SGCZ: variants seen among roughly 807,000 people sequenced by gnomAD.
SGCZ encodes sarcoglycan zeta, also known as zeta-sarcoglycan.
A neutral mutation model predicts 41.3 loss-of-function variants in SGCZ; 40 were observed. The ratio of observed to expected loss-of-function variants is 0.97; its 90% confidence interval spans 0.75 to 1.26. The LOEUF (loss-of-function observed/expected upper bound fraction) is 1.26, where lower values mean the gene tolerates loss of function less well. Among genes scored for constraint, SGCZ ranks in the 50% most tolerant of loss-of-function variants. SGCZ has a pLI of 0.00. For missense variants in SGCZ, 552 were observed against 369.8 expected (o/e 1.49, Z -4.04); for synonymous variants, 206 against 137.5 (o/e 1.50, Z -3.49).
At chr8:14,831,681 C>CAATT (rs575386973) in intron 1 of SGCZ, among the ~76,000 whole-genome samples, 42 of 151,308 alleles carry the variant, frequency 2.8e-4, no homozygotes, top group African/African-American at 1.0e-3. Context: ...TCTCAGTATA[C>CAATT]AATTATACTA....
At chr8:14,861,141 T>A (rs1803733987) in intron 1 of SGCZ, among the ~76,000 whole-genome samples, 1 of 152,200 alleles carries the variant, frequency 6.6e-6, no homozygotes, top group Non-Finnish European at 1.5e-5. Context: ...CTACACTTTG[T>A]GTTGGAATTA....
intron 1 of SGCZ, among the ~76,000 whole-genome samples, chr8:14,893,770 T>A (rs886413010): frequency 2.6e-5 from 4 of 152,290 alleles, no homozygotes; most frequent in African/African-American, 9.6e-5. Context: ...AAACAACATG[T>A]TAAACAATTT....
chr8:14,213,552 G>A (rs954657260), intron 4 of SGCZ, among the ~76,000 whole-genome samples: 1 of 151,736 alleles, frequency 6.6e-6, no homozygotes, highest in African/African-American at 2.4e-5. Context: ...CATAATTAAA[G>A]GAAACTTTCC....
chr8:14,217,308 A>G (rs1037847649), intron 4 of SGCZ, among the ~76,000 whole-genome samples: 2 of 151,340 alleles, frequency 1.3e-5, no homozygotes, highest in African/African-American at 4.9e-5. Flanking sequence ...AAAAAAAAAA[A>G]AAAAAAAAAG....
At chr8:15,206,523 C>T (rs1399623262) in intron 1 of SGCZ, among the ~76,000 whole-genome samples, 1 of 150,520 alleles carries the variant, frequency 6.6e-6, no homozygotes, top group Non-Finnish European at 1.5e-5. Flanking sequence ...CATCTTGGCT[C>T]ACTGCAACCT....
At chr8:14,100,576 TTTCA>T (rs1801987312) in intron 7 of SGCZ, among the ~76,000 whole-genome samples, 5 of 129,312 alleles carry the variant, frequency 3.9e-5, no homozygotes, top group Middle Eastern at 4.5e-3. Flanking sequence ...ATTAATATAT[TTTCA>T]AATAATATAT....
chr8:14,974,282 A>G (rs927717638), intron 1 of SGCZ, among the ~76,000 whole-genome samples: 17 of 152,170 alleles, frequency 1.1e-4, no homozygotes, highest in African/African-American at 4.1e-4. Flanking sequence ...AAAAAATTCT[A>G]TTGTATATAG....
intron 1 of SGCZ, among the ~76,000 whole-genome samples, chr8:14,985,497 G>A (rs978354045): frequency 6.6e-6 from 1 of 152,100 alleles, no homozygotes. Context: ...AGAAAACCAG[G>A]GGCTAAAATG....
chr8:14,154,146 G>A (rs1295288765), intron 5 of SGCZ, among the ~76,000 whole-genome samples: 1 of 152,008 alleles, frequency 6.6e-6, no homozygotes, highest in Non-Finnish European at 1.5e-5. Flanking sequence ...CGAGGCGGGT[G>A]GATCATGAGG....
intron 2 of SGCZ, among the ~76,000 whole-genome samples, chr8:14,388,991 A>T (rs1291102635): frequency 2.6e-5 from 4 of 152,038 alleles, no homozygotes; most frequent in African/African-American, 4.8e-5. Context: ...TTCACAGACA[A>T]GAAAAAAGCA....
intron 5 of SGCZ, among the ~76,000 whole-genome samples, chr8:14,112,813 G>C (rs1298674232): frequency 6.6e-6 from 1 of 151,954 alleles, no homozygotes; most frequent in Non-Finnish European, 1.5e-5. Context: ...GTCAAAACTT[G>C]TATACTAATA....
chr8:15,127,248 AC>A (rs1807733404), intron 1 of SGCZ, among the ~76,000 whole-genome samples: 2 of 9,328 alleles, frequency 2.1e-4, no homozygotes, highest in African/African-American at 2.8e-4. Context: ...ACACACACAC[AC>A]ACACACAAAC....
At chr8:14,692,361 T>C (rs1035544597) in intron 1 of SGCZ, among the ~76,000 whole-genome samples, 1 of 152,108 alleles carries the variant, frequency 6.6e-6, no homozygotes, top group Non-Finnish European at 1.5e-5. Flanking sequence ...TCATAAGTGA[T>C]AAGGTGGCCC....
At chr8:15,006,714 CTA>C (rs1427767481) in intron 1 of SGCZ, among the ~76,000 whole-genome samples, 5 of 152,062 alleles carry the variant, frequency 3.3e-5, no homozygotes, top group African/African-American at 7.2e-5. Context: ...TAATTAGACT[CTA>C]TAAAAAAATC....
chr8:15,179,639 T>A (rs193143903), intron 1 of SGCZ, among the ~76,000 whole-genome samples: 1 of 152,094 alleles, frequency 6.6e-6, no homozygotes, highest in Non-Finnish European at 1.5e-5. Context: ...GTTTTGGAAA[T>A]AATTTATGAC....
intron 5 of SGCZ, among the ~76,000 whole-genome samples, chr8:14,109,719 G>A (rs1362237950): frequency 6.6e-6 from 1 of 152,108 alleles, no homozygotes; most frequent in Non-Finnish European, 1.5e-5. Flanking sequence ...AAATGTATTA[G>A]AAGCATCAGA....
intron 2 of SGCZ, among the ~76,000 whole-genome samples, chr8:14,429,262 C>T (rs1366376412): frequency 6.6e-6 from 1 of 152,084 alleles, no homozygotes; most frequent in Non-Finnish European, 1.5e-5. Flanking sequence ...ATTGACAATG[C>T]TGGATGTGAG....
chr8:14,961,463 A>T (rs1013029505), intron 1 of SGCZ, among the ~76,000 whole-genome samples: 3 of 152,146 alleles, frequency 2.0e-5, no homozygotes, highest in Admixed American at 6.6e-5. Flanking sequence ...GTGGTACCAT[A>T]CAATAAGGTA....
chr8:14,206,114 A>G (rs527631488), intron 4 of SGCZ, among the ~76,000 whole-genome samples: 34 of 152,260 alleles, frequency 2.2e-4, no homozygotes, highest in Non-Finnish European at 4.6e-4. Flanking sequence ...TTGATGTACA[A>G]ATAATTTTTA....
Sources: gnomAD v4.1 joint callset for allele counts (sites outside exome capture counted in the v4.1 genomes callset) on GRCh38, gnomAD v4.1.1 for gene constraint, MANE v1.5 for transcripts, NCBI Gene and HGNC (gene_info 2026-07-23, HGNC 2026-07-21) for gene names.